Variants in STK10 observed in about 807,000 individuals in gnomAD.
STK10 encodes the protein serine/threonine kinase 10.
In STK10, 78 loss-of-function variants were observed where a neutral mutation model predicts 113.8. The observed-to-expected ratio is 0.69, with a 90% CI of 0.57 to 0.83. The LOEUF (loss-of-function observed/expected upper bound fraction) is 0.83, where lower values mean the gene tolerates loss of function less well. Among genes scored for constraint, STK10 ranks in the 40% least tolerant of loss-of-function variants. The probability of loss-of-function intolerance (pLI) is 0.00; values close to 1 mark genes in which losing one functional copy is unlikely to be tolerated. For synonymous variants in STK10, 465 were observed against 494.7 expected (o/e 0.94, Z 0.80); for missense variants, 1,109 against 1,280.1 (o/e 0.87, Z 2.04).
chr5:172,098,910 CACCACCATCATT>C (rs1290442080), intron 7 of STK10, among the ~76,000 whole-genome samples: 1 of 151,790 alleles, frequency 6.6e-6, no homozygotes, highest in East Asian at 1.9e-4. Flanking sequence ...CCACCACCAT[CACCACCATCATT>C]ACCATTACCA....
At chr5:172,139,493 GAAAAAAAA>G (rs551856973) in intron 2 of STK10, among the ~76,000 whole-genome samples, 1 of 106,586 alleles carries the variant, frequency 9.4e-6, no homozygotes, top group African/African-American at 3.2e-5. Flanking sequence ...CCCATCTCTG[GAAAAAAAA>G]AAAAAAAAGA....
chr5:172,104,758 G>A (rs577142532), intron 7 of STK10, among the ~76,000 whole-genome samples: 8 of 152,254 alleles, frequency 5.3e-5, no homozygotes, highest in Admixed American at 3.3e-4. Context: ...AGAGTGGCCC[G>A]CTCTGCCTAA....
intron 15 of STK10, among the ~76,000 whole-genome samples, chr5:172,056,195 CA>C (rs1767750629): frequency 6.6e-6 from 1 of 152,236 alleles, no homozygotes; most frequent in Non-Finnish European, 1.5e-5. Context: ...TCACCTCCTC[CA>C]AGAAGCCTTC....
chr5:172,107,773 G>T lies in STK10; in HGVS notation c.593+7C>A. The T allele has an allele frequency of 6.2e-7, 1 of 1,613,712 alleles. No homozygotes were observed. Among genetic ancestry groups the T allele is most frequent in the South Asian group, 1.1e-5 (1 of 91,022 alleles). ...TCCATTCCATTTCCAGAAGCTACAC[G>T]ACTCACCAGTAAGGCGTGCCGATGA... On this transcript the variant is annotated splice_region_variant and intron_variant, in intron 5 of 18. Transcript: ENST00000176763.
intron 3 of STK10, among the ~76,000 whole-genome samples, chr5:172,125,941 C>T (rs898607306): frequency 6.6e-6 from 1 of 152,138 alleles, no homozygotes. Flanking sequence ...AGGCATTTTG[C>T]TCTTTTTGGA....
At chr5:172,099,720 G>T (rs192874441) in intron 7 of STK10, among the ~76,000 whole-genome samples, 1 of 152,312 alleles carries the variant, frequency 6.6e-6, no homozygotes, top group Admixed American at 6.5e-5. Flanking sequence ...TCCACACTGC[G>T]CAATCTAACA....
intron 13 of STK10, among the ~76,000 whole-genome samples, chr5:172,063,266 A>C (rs957484319): frequency 3.9e-5 from 6 of 151,916 alleles, no homozygotes; most frequent in Non-Finnish European, 8.8e-5. Context: ...GAAAAAAAAA[A>C]AACTGGGATG....
chr5:172,098,915 CCAT>C (rs1323161589), intron 7 of STK10, among the ~76,000 whole-genome samples: 1 of 151,696 alleles, frequency 6.6e-6, no homozygotes, highest in East Asian at 1.9e-4. Flanking sequence ...ACCATCACCA[CCAT>C]CATTACCATT....
At position 172,082,213 on chromosome 5, in the gene STK10, C is replaced by T; in HGVS notation, c.1989+113G>A. 1 of 1,237,282 alleles carries T rather than the reference C, an allele frequency of 8.1e-7. No homozygotes were observed. The highest frequency in any genetic ancestry group is 1.1e-6 in the Non-Finnish European group (1 of 930,300). The allele number at this position is 1,237,282 out of a possible 1,614,324, so 76.6% of individuals were successfully genotyped here. A position where few individuals can be genotyped will look rare whatever the true frequency, so the allele number is the denominator to read the frequency against. ...AGATCCAGGCTCACCTGCTCCCGAG[C>T]TCTTCAGCCGTACCCCTCTGCTGCC... On this transcript the variant is annotated intron_variant, in intron 12 of 18. Transcript: ENST00000176763. The surrounding 1 kb of genome is among the most constrained non-coding windows in gnomAD (Gnocchi z 4.3).
chr5:172,174,856 T>C (rs921127327), intron 1 of STK10, among the ~76,000 whole-genome samples: 153 of 152,308 alleles, frequency 1.0e-3, no homozygotes, highest in African/African-American at 3.5e-3. Context: ...GAGGCACCAC[T>C]GGCCTCCACC....
At chr5:172,094,948 T>C (rs1458477435) in intron 8 of STK10, among the ~76,000 whole-genome samples, 1 of 152,146 alleles carries the variant, frequency 6.6e-6, no homozygotes, top group East Asian at 1.9e-4. Context: ...AACATAAACA[T>C]CCAACTTGGT....
In STK10 at chr5:172,082,373, G is replaced by A. The variant is rs776637131; in HGVS notation, c.1942C>T (p.Arg648Trp). ...TGCTCTTGGAACCTGGTGTAGTCCCGATCCTGCTCCAGGCGGATCCGCCTG... is the reference window on the plus strand; with the variant it reads ...TGCTCTTGGAACCTGGTGTAGTCCCAATCCTGCTCCAGGCGGATCCGCCTG... The part of the protein sequence containing the change: ...EARRIRLEQD[R>W]DYTRFQEQLK... Residue 648 changes from arginine (R) to tryptophan (W), a missense_variant, in exon 12 of 19, where the codon CGG (arginine) becomes TGG (tryptophan). Around this residue, in one of 5 missense-constraint regions of STK10, gnomAD observed 885 missense variants for 991.1 expected, o/e 0.89. Transcript: ENST00000176763. The surrounding 1 kb of genome is among the most constrained non-coding windows in gnomAD (Gnocchi z 4.3). 20 of 1,602,392 alleles carry A rather than the reference G, an allele frequency of 1.2e-5. No individual in the cohort carries two copies. The highest frequency in any genetic ancestry group is 5.2e-5 in the Admixed American group (3 of 57,600).
At position 172,116,679 on chromosome 5, in the gene STK10, C is replaced by T. The variant is rs566094883; in HGVS notation, c.520+802G>A. Among the ~76,000 whole-genome samples, 22 of 151,322 alleles carry T rather than the reference C, an allele frequency of 1.5e-4. 1 individual carries two copies. In the South Asian group the frequency reaches 4.6e-3, roughly 32 times the overall value. On this transcript the variant is annotated intron_variant, in intron 4 of 18. Coordinates refer to ENST00000176763, the MANE Select transcript of STK10 (RefSeq NM_005990.4). ...GGTCAGGAACTCGAGACCAGCCTGG[C>T]CAACATGGTGAAACCCGGTCTCTAC...
intron 10 of STK10, 133 bp downstream of exon 10, chr5:172,090,099 A>T: frequency 7.6e-7 from 1 of 1,318,822 alleles, no homozygotes; most frequent in Non-Finnish European, 1.0e-6. Context: ...AGGCAAAATG[A>T]GTTTCCTTTT....
chr5:172,180,865 G>A (rs1040978175), intron 1 of STK10, among the ~76,000 whole-genome samples: 1 of 152,172 alleles, frequency 6.6e-6, no homozygotes, highest in Non-Finnish European at 1.5e-5. Flanking sequence ...TCAAGATACA[G>A]TTGGCTCTGT....
intron 2 of STK10, among the ~76,000 whole-genome samples, chr5:172,137,324 A>G (rs1769883945): frequency 6.6e-6 from 1 of 152,158 alleles, no homozygotes; most frequent in Admixed American, 6.5e-5. Flanking sequence ...ATACTTGCGA[A>G]TCATATTCAA....
chr5:172,152,610 A>C (rs1317166275), intron 2 of STK10, among the ~76,000 whole-genome samples: 1 of 152,210 alleles, frequency 6.6e-6, no homozygotes, highest in African/African-American at 2.4e-5. Flanking sequence ...TAGAGACCTA[A>C]ATGTATTATT....
At chr5:172,156,484 T>C in intron 2 of STK10, 140 bp downstream of exon 2, 3 of 1,114,282 alleles carry the variant, frequency 2.7e-6, no homozygotes, top group Non-Finnish European at 3.7e-6. Context: ...GGCCAGGAGC[T>C]CCCTACTTCA....
intron 12 of STK10, among the ~76,000 whole-genome samples, chr5:172,071,212 CAAAAAAAAAAAAAAA>C (rs369407918): frequency 3.4e-4 from 9 of 26,580 alleles, no homozygotes; most frequent in African/African-American, 9.4e-4. Context: ...CTCTCTATCT[CAAAAAAAAAAAAAAA>C]AAAAAAAAAA....
Sources: allele counts gnomAD v4.1 joint callset (sites outside exome capture counted in the v4.1 genomes callset), GRCh38; gene constraint gnomAD v4.1.1; regional missense constraint gnomAD v4.1.1; non-coding constraint Gnocchi (gnomAD v3.1); transcripts MANE v1.5; gene names NCBI Gene and HGNC (gene_info 2026-07-23, HGNC 2026-07-21).